Variants in FOXP1 observed in about 807,000 individuals in gnomAD.
FOXP1 encodes forkhead box protein P1.
Under a neutral mutation model 98.2 loss-of-function variants are expected in FOXP1, and 15 were observed. That is an observed-to-expected ratio of 0.15 (90% CI 0.10 to 0.24). FOXP1 has a LOEUF of 0.24. Ranked by LOEUF, FOXP1 falls within the 10% of genes least tolerant of loss-of-function variation. The pLI is 1.00. For missense variants in FOXP1, 633 were observed against 848.5 expected (o/e 0.75, Z 3.15); for synonymous variants, 371 against 314.5 (o/e 1.18, Z -1.90).
chr3:71,533,315 C>A (rs995414537), intron 2 of FOXP1, among the ~76,000 whole-genome samples: 1 of 152,182 alleles, frequency 6.6e-6, no homozygotes, highest in South Asian at 2.1e-4. Context: ...CTTTCCTCCA[C>A]CTTCTCAGCC....
intron 11 of FOXP1, among the ~76,000 whole-genome samples, 180 bp from the exon 12 acceptor site, chr3:71,015,833 T>G (rs757348935): frequency 9.9e-5 from 15 of 152,204 alleles, no homozygotes; most frequent in Non-Finnish European, 1.6e-4. Context: ...AAAGCAAGAG[T>G]TAAATTGTAC....
intron 2 of FOXP1, among the ~76,000 whole-genome samples, chr3:71,560,689 G>A (rs830606): frequency 0.25 from 37,996 of 152,110 alleles, 5,162 homozygotes; most frequent in African/African-American, 0.35. Context: ...TAAACAAAAT[G>A]TGGTATATCT....
At chr3:71,437,904 AGAAAAGCTGTGTACAC>A (rs1407978789) in intron 3 of FOXP1, among the ~76,000 whole-genome samples, 1 of 152,186 alleles carries the variant, frequency 6.6e-6, no homozygotes, top group Admixed American at 6.5e-5. Flanking sequence ...CAGGAGGTGA[AGAAAAGCTGTGTACAC>A]GAAATTGAGT....
At chr3:71,280,836 A>C (rs1429904960) in intron 5 of FOXP1, among the ~76,000 whole-genome samples, 1 of 151,924 alleles carries the variant, frequency 6.6e-6, no homozygotes, top group Non-Finnish European at 1.5e-5. Flanking sequence ...TTTCGTATTT[A>C]TGTTTTCCTT....
At chr3:71,144,760 A>G (rs1290347177) in intron 6 of FOXP1, among the ~76,000 whole-genome samples, 1 of 152,052 alleles carries the variant, frequency 6.6e-6, no homozygotes, top group Non-Finnish European at 1.5e-5. Flanking sequence ...ATGGATGTGT[A>G]TAATCACCAG....
At chr3:71,570,544 C>T (rs936557134) in intron 2 of FOXP1, 4 of 152,260 alleles carry the variant, frequency 2.6e-5, no homozygotes, top group African/African-American at 9.7e-5. Flanking sequence ...TCGAGCCAGC[C>T]TCTGTGACCA....
chr3:71,195,740 G>A (rs887458303), intron 6 of FOXP1, among the ~76,000 whole-genome samples: 9 of 152,202 alleles, frequency 5.9e-5, no homozygotes, highest in Non-Finnish European at 1.3e-4. Flanking sequence ...GACTACCGCA[G>A]TAATGAATTC....
intron 4 of FOXP1, chr3:71,333,232 A>G (rs2076452589): frequency 6.6e-6 from 1 of 152,228 alleles, no homozygotes; most frequent in Non-Finnish European, 1.5e-5. Context: ...TATTTTAGAA[A>G]GCATGCCAGT....
intron 5 of FOXP1, among the ~76,000 whole-genome samples, chr3:71,298,453 A>C (rs1268634478): frequency 6.6e-6 from 1 of 152,018 alleles, no homozygotes; most frequent in African/African-American, 2.4e-5. Flanking sequence ...CAACAGAGCG[A>C]AACTCCGTCT....
At chr3:71,537,236 C>G (rs558870645) in intron 2 of FOXP1, among the ~76,000 whole-genome samples, 1 of 152,352 alleles carries the variant, frequency 6.6e-6, no homozygotes, top group African/African-American at 2.4e-5. Context: ...CAGAGCCCAG[C>G]AGCCAGCAAG....
intron 3 of FOXP1, among the ~76,000 whole-genome samples, chr3:71,431,553 C>T (rs1478493190): frequency 6.6e-6 from 1 of 152,140 alleles, no homozygotes; most frequent in Admixed American, 6.5e-5. Context: ...TTTCCAGGGT[C>T]GCGAACCAAG....
intron 6 of FOXP1, among the ~76,000 whole-genome samples, chr3:71,153,554 A>C (rs1326686643): frequency 6.6e-6 from 1 of 152,008 alleles, no homozygotes; most frequent in Non-Finnish European, 1.5e-5. Flanking sequence ...AGAAAAAAAA[A>C]AAAAAAAGCT....
intron 6 of FOXP1, among the ~76,000 whole-genome samples, chr3:71,178,432 C>A (rs949358090): frequency 1.3e-5 from 2 of 152,144 alleles, no homozygotes; most frequent in African/African-American, 4.8e-5. Context: ...TCGCGCCCGG[C>A]CAGTAATTTC....
chr3:71,016,022 GCTACAT>G (rs1366041241), intron 11 of FOXP1, among the ~76,000 whole-genome samples: 2 of 152,006 alleles, frequency 1.3e-5, no homozygotes, highest in Non-Finnish European at 2.9e-5. Flanking sequence ...AGATTTTCTT[GCTACAT>G]CTACAAGGAA....
intron 11 of FOXP1, among the ~76,000 whole-genome samples, chr3:71,039,306 A>C (rs539753152): frequency 6.6e-6 from 1 of 152,306 alleles, no homozygotes; most frequent in South Asian, 2.1e-4. Flanking sequence ...ACTTTTGTGC[A>C]GACAAATAAG....
intron 3 of FOXP1, among the ~76,000 whole-genome samples, chr3:71,382,505 G>A (rs894738386): frequency 1.3e-5 from 2 of 152,172 alleles, no homozygotes; most frequent in Non-Finnish European, 2.9e-5. Flanking sequence ...AGGGTGGTAT[G>A]TGGCAGAAAC....
At chr3:71,372,116 G>A (rs542433843) in intron 3 of FOXP1, among the ~76,000 whole-genome samples, 14 of 151,214 alleles carry the variant, frequency 9.3e-5, no homozygotes, top group Middle Eastern at 3.4e-3. Flanking sequence ...GGGTTCAAGC[G>A]ATTCTTCTGC....
At chr3:71,483,824 AG>A (rs983947947) in intron 3 of FOXP1, among the ~76,000 whole-genome samples, 25 of 152,120 alleles carry the variant, frequency 1.6e-4, no homozygotes, top group African/African-American at 5.8e-4. Flanking sequence ...TAATTACAAA[AG>A]TTTTCCTAAA....
chr3:71,270,011 G>A (rs771197671), intron 5 of FOXP1, among the ~76,000 whole-genome samples: 11 of 152,182 alleles, frequency 7.2e-5, no homozygotes, highest in Admixed American at 2.6e-4. Flanking sequence ...CTGAGTTTCC[G>A]AGTGCTGGAG....
Sources: gnomAD v4.1 joint callset for allele counts (sites outside exome capture counted in the v4.1 genomes callset) on GRCh38, gnomAD v4.1.1 for gene constraint, MANE v1.5 for transcripts, NCBI Gene and HGNC (gene_info 2026-07-23, HGNC 2026-07-21) for gene names.